Variants in SDK1 observed in about 807,000 individuals in gnomAD.
SDK1 encodes sidekick cell adhesion molecule 1, also known as protein sidekick-1.
Under a neutral mutation model 245.5 loss-of-function variants are expected in SDK1, and 157 were observed. The observed-to-expected ratio is 0.64, with a 90% CI of 0.56 to 0.73. The LOEUF (loss-of-function observed/expected upper bound fraction) is 0.73, where lower values mean the gene tolerates loss of function less well. SDK1 is among the 30% of genes least tolerant of loss of function. The pLI, the probability that SDK1 is intolerant of heterozygous loss-of-function variation, is 0.00. For missense variants in SDK1, 3,583 were observed against 3,002.3 expected (o/e 1.19, Z -4.52); for synonymous variants, 1,647 against 1,278.5 (o/e 1.29, Z -6.15).
At chr7:4,029,067 G>A (rs1427348934) in intron 17 of SDK1, among the ~76,000 whole-genome samples, 1 of 130,568 alleles carries the variant, frequency 7.7e-6, no homozygotes, top group Non-Finnish European at 1.6e-5. Flanking sequence ...CGAGGGGGGT[G>A]GGGGTCACTG....
At chr7:3,968,178 A>T (rs1346457070) in intron 10 of SDK1, among the ~76,000 whole-genome samples, 1 of 152,314 alleles carries the variant, frequency 6.6e-6, no homozygotes, top group African/African-American at 2.4e-5. Context: ...TTGAAGAAAG[A>T]TGCTTCCAGG....
intron 38 of SDK1, among the ~76,000 whole-genome samples, chr7:4,214,260 A>T (rs1393814667): frequency 6.6e-6 from 1 of 152,186 alleles, no homozygotes; most frequent in Non-Finnish European, 1.5e-5. Context: ...AACTTCAGAG[A>T]TGGGGCTTGA....
intron 1 of SDK1, among the ~76,000 whole-genome samples, chr7:3,325,091 C>G (rs1158272789): frequency 6.6e-6 from 1 of 151,970 alleles, no homozygotes; most frequent in Non-Finnish European, 1.5e-5. Context: ...GGAAGAAGAT[C>G]TTAAAGTTCT....
At chr7:3,481,350 TG>T (rs1187974498) in intron 1 of SDK1, among the ~76,000 whole-genome samples, 1 of 152,228 alleles carries the variant, frequency 6.6e-6, no homozygotes, top group Non-Finnish European at 1.5e-5. Context: ...CATATCATCC[TG>T]GTACAGTTTC....
rs573744996 is a variant in SDK1 at position 3,449,913 on chromosome 7, G to A, written c.298+148029G>A. Among the ~76,000 whole-genome samples the A allele has an allele frequency of 6.6e-5, 10 of 152,290 alleles. No homozygotes were observed. The South Asian group carries it at 1.5e-3, about 22-fold the overall frequency. On this transcript the variant is annotated intron_variant, in intron 1 of 44. Coordinates refer to ENST00000404826, the MANE Select transcript of SDK1 (RefSeq NM_152744.4). The stretch of plus-strand genomic sequence containing the variant: ...TTGCAGAACTGTTTATTAACAATTA[G>A]CCACGTGTCCAGGATGCCATGAAAA...
rs934519226 is a variant in SDK1 at position 4,216,912 on chromosome 7, C to T, written c.5540-3197C>T. ...GCCCAGGGCCATCCCCAGCCATCCC[C>T]GTCACTCTAGGGAACACTCCTCGAA... On this transcript the variant is annotated intron_variant, in intron 38 of 44. Transcript: ENST00000404826. Among the ~76,000 whole-genome samples the T allele has an allele frequency of 9.2e-5, 14 of 152,280 alleles. No homozygotes were observed. In the South Asian group the frequency reaches 2.1e-3, roughly 23 times the overall value.
Position 3,301,604 on chromosome 7 carries a change from G to C in SDK1, c.18G>C (p.Arg6=). Residue 6 remains arginine (R), a synonymous_variant, in exon 1 of 45, where the codon CGG becomes CGC. Transcript: ENST00000404826. ...TGCTCGGCATGGCCCGGGGCGCCCG[G>C]CCCTCGGCGGCCGGTGGCGGCGGCG... MARGA[R]PSAAGGGGGG... is the part of the protein sequence containing the mutation. 4.1e-6 allele frequency: 4 copies of C among 973,812 alleles called. No homozygotes were observed. The highest frequency in any genetic ancestry group is 3.6e-6 in the Non-Finnish European group (3 of 824,148). 60.3% of individuals were successfully genotyped at this position (973,812 alleles called of 1,614,324 possible). A position where few individuals can be genotyped will look rare whatever the true frequency, so the allele number is the denominator to read the frequency against.
intron 1 of SDK1, among the ~76,000 whole-genome samples, chr7:3,323,820 G>A (rs1779876630): frequency 6.6e-6 from 1 of 152,130 alleles, no homozygotes; most frequent in Admixed American, 6.5e-5. Context: ...CAGAGTATGG[G>A]GCAGAACATT....
At chr7:3,403,878 ATTTATTTATAT>A (rs1778979185) in intron 1 of SDK1, among the ~76,000 whole-genome samples, 1 of 125,762 alleles carries the variant, frequency 8.0e-6, no homozygotes, top group African/African-American at 3.0e-5. Flanking sequence ...TAATATATAT[ATTTATTTATAT>A]TATATATATA....
At chr7:3,720,495 C>T (rs1035071116) in intron 4 of SDK1, among the ~76,000 whole-genome samples, 1 of 152,068 alleles carries the variant, frequency 6.6e-6, no homozygotes, top group African/African-American at 2.4e-5. Flanking sequence ...CTTTACTAGC[C>T]ACCAGGAAAA....
chr7:3,361,141 T>C (rs777402604), intron 1 of SDK1, among the ~76,000 whole-genome samples: 5 of 152,224 alleles, frequency 3.3e-5, no homozygotes, highest in Non-Finnish European at 5.9e-5. Context: ...ATTGATACTG[T>C]AGTTTTTTCT....
intron 4 of SDK1, among the ~76,000 whole-genome samples, chr7:3,753,045 G>T (rs1384980252): frequency 6.6e-6 from 1 of 152,156 alleles, no homozygotes; most frequent in Admixed American, 6.5e-5. Context: ...CCCAATCACA[G>T]GAAGGCACTG....
intron 1 of SDK1, among the ~76,000 whole-genome samples, chr7:3,502,222 G>T (rs1428706277): frequency 1.3e-5 from 2 of 150,488 alleles, no homozygotes; most frequent in Non-Finnish European, 2.9e-5. Context: ...ATGTTTCAAA[G>T]ATTTTTTTTT....
In SDK1 at chr7:4,268,735, G is replaced by A. The variant is rs763022016; in HGVS notation, c.*3351G>A. On this transcript the variant is annotated 3_prime_UTR_variant, in exon 45 of 45. Coordinates refer to ENST00000404826, the MANE Select transcript of SDK1 (RefSeq NM_152744.4). ...CGTACCTAAGTGTGGCTCCCCGTGG[G>A]TCAGCGTCCTGGTAGCATGGATCCA... The A allele has an allele frequency of 1.5e-6, 2 of 1,367,838 alleles. No individual in the cohort carries two copies. Among genetic ancestry groups the A allele is most frequent in the East Asian group, 4.6e-5 (1 of 21,968 alleles). 84.7% of individuals were successfully genotyped at this position (1,367,838 alleles called of 1,614,324 possible).
At chr7:3,781,364 G>C (rs1562439060) in intron 4 of SDK1, among the ~76,000 whole-genome samples, 1 of 152,088 alleles carries the variant, frequency 6.6e-6, no homozygotes, top group Non-Finnish European at 1.5e-5. Flanking sequence ...CTCTCATGAA[G>C]CTCTGCCTGC....
intron 4 of SDK1, among the ~76,000 whole-genome samples, chr7:3,677,589 C>G (rs1010477153): frequency 6.6e-6 from 1 of 152,156 alleles, no homozygotes; most frequent in South Asian, 2.1e-4. Context: ...TCCACCTGGC[C>G]CTGCCCTTGA....
chr7:3,619,207 C>CA lies in SDK1; in HGVS notation c.427dup (p.Ser143LysfsTer2). 1 of 1,613,148 alleles carries CA rather than the reference C, an allele frequency of 6.2e-7. No homozygotes were observed. The highest frequency in any genetic ancestry group is 8.5e-7 in the Non-Finnish European group (1 of 1,179,180). On this transcript the variant is annotated frameshift_variant, in exon 2 of 45. Transcript: ENST00000404826. LOFTEE classifies it high-confidence loss of function. ...TGGAGTTCAAGTGGATGCGCGATGA[C>CA]AGTGAGCTCACCACCTACAGCAGCG...
chr7:3,831,250 G>C (rs913116865), intron 5 of SDK1, among the ~76,000 whole-genome samples: 1 of 152,188 alleles, frequency 6.6e-6, no homozygotes, highest in Non-Finnish European at 1.5e-5. Context: ...TAGAAAAACT[G>C]TATTTACTCA....
At chr7:3,338,747 T>G (rs1780270277) in intron 1 of SDK1, 1 of 176,578 alleles carries the variant, frequency 5.7e-6, no homozygotes, top group African/African-American at 2.4e-5. Flanking sequence ...CTATTTTGCT[T>G]GTGCTGGTAA....
Sources: allele counts gnomAD v4.1 joint callset (sites outside exome capture counted in the v4.1 genomes callset), GRCh38; gene constraint gnomAD v4.1.1; transcripts MANE v1.5; gene names NCBI Gene and HGNC (gene_info 2026-07-23, HGNC 2026-07-21).